NLE1: variants seen among roughly 807,000 people sequenced by gnomAD.
NLE1 encodes the protein notchless protein homolog 1.
Under a neutral mutation model 62.8 loss-of-function variants are expected in NLE1, and 37 were observed. The observed-to-expected ratio is 0.59, with a 90% CI of 0.45 to 0.78. The LOEUF is 0.78. NLE1 is among the 30% of genes least tolerant of loss of function. The probability of loss-of-function intolerance (pLI) is 0.00; values close to 1 mark genes in which losing one functional copy is unlikely to be tolerated. For synonymous variants in NLE1, 243 were observed against 253.0 expected (o/e 0.96, Z 0.37); for missense variants, 555 against 637.9 (o/e 0.87, Z 1.40).
At position 35,142,119 on chromosome 17, in the gene NLE1, C is replaced by T. The variant is rs560050145; in HGVS notation, c.22G>A (p.Glu8Lys). MAAAVPD[E>K]AVARDVQRLL... ...CGCTGCACATCGCGCGCCACCGCCT[C>T]GTCCTGCGCGAGCAAGTGGGGCGGG... The change falls in exon 2 of 13, where the codon GAG becomes AAG. Residue 8 changes from glutamate (E) to lysine (K), a missense_variant. Transcript: ENST00000442241. 2 of 1,610,974 alleles carry T rather than the reference C, an allele frequency of 1.2e-6. No homozygotes were observed. Among genetic ancestry groups the T allele is most frequent in the South Asian group, 1.1e-5 (1 of 91,028 alleles).
In NLE1 at chr17:35,129,770, T is replaced by C. The variant is rs1327960244; in HGVS notation, c.*2667A>G. 2 of 1,474,438 alleles carry C rather than the reference T, an allele frequency of 1.4e-6. No individual in the cohort carries two copies. Among genetic ancestry groups the C allele is most frequent in the African/African-American group, 1.4e-5 (1 of 70,534 alleles). The allele number at this position is 1,474,438 out of a possible 1,614,324, so 91.3% of individuals were successfully genotyped here. On this transcript the variant is annotated 3_prime_UTR_variant, in exon 13 of 13. Transcript: ENST00000442241. ...TGCCCACATGACTCATCTGGCTAGC[T>C]TTCCTTCTGCCTGGGTCAAGAAGCA...
In NLE1 at chr17:35,133,419, CGCTGACCAGGAGCCGACTGTCA is replaced by C. The variant is rs764070000; in HGVS notation, c.1272_1293del (p.Asp425AlafsTer7). ...ACCTTCAGTGTGCTGTCACTGCTGC[CGCTGACCAGGAGCCGACTGTCA>C]GCTGACCACGCAATCTGGTACACGG... On this transcript the variant is annotated frameshift_variant, in exon 11 of 13. Transcript: ENST00000442241. LOFTEE classifies it high-confidence loss of function. The C allele has an allele frequency of 3.7e-6, 6 of 1,614,024 alleles. No individual in the cohort carries two copies. The highest frequency in any genetic ancestry group is 5.1e-6 in the Non-Finnish European group (6 of 1,180,050).
At chr17:35,136,008 C>T (rs2091906147) in intron 9 of NLE1, among the ~76,000 whole-genome samples, 161 bp downstream of exon 9, 1 of 152,166 alleles carries the variant, frequency 6.6e-6, no homozygotes, top group Non-Finnish European at 1.5e-5. Context: ...ATCTCTAGCA[C>T]ATTAGTATTT....
In NLE1 at chr17:35,132,322, G is replaced by C. The variant is rs2091880702; in HGVS notation, c.*115C>G. 2 of 869,804 alleles carry C rather than the reference G, an allele frequency of 2.3e-6. No homozygotes were observed. Among genetic ancestry groups the C allele is most frequent in the Non-Finnish European group, 3.3e-6 (2 of 615,252 alleles). The allele number at this position is 869,804 out of a possible 1,614,324, so 53.9% of individuals were successfully genotyped here. A position where few individuals can be genotyped will look rare whatever the true frequency, so the allele number is the denominator to read the frequency against. The stretch of plus-strand genomic sequence containing the variant: ...GACAGCAGGCCACACGCATTCTCAG[G>C]TCCCCACTGGTGGGGAGGGTGTGTG... On this transcript the variant is annotated 3_prime_UTR_variant, in exon 13 of 13. Coordinates refer to ENST00000442241, the MANE Select transcript of NLE1 (RefSeq NM_018096.5).
Position 35,132,259 on chromosome 17 carries a change from C to T in NLE1, c.*178G>A, listed in dbSNP as rs566535663. On this transcript the variant is annotated 3_prime_UTR_variant, in exon 13 of 13. Coordinates refer to ENST00000442241, the MANE Select transcript of NLE1 (RefSeq NM_018096.5). Reference sequence around the variant, plus strand: ...TTCTGGCTCTGGGGTGTGCCACAGGCGGGGATCTGTGGGAAAACCCCATTC... The same window carrying T: ...TTCTGGCTCTGGGGTGTGCCACAGGTGGGGATCTGTGGGAAAACCCCATTC... The T allele has an allele frequency of 6.4e-4, 281 of 438,344 alleles. No individual in the cohort carries two copies. The highest frequency in any genetic ancestry group is 1.0e-3 in the Non-Finnish European group (259 of 255,766). The allele number at this position is 438,344 out of a possible 1,614,324, so 27.2% of individuals were successfully genotyped here.
chr17:35,142,236 GC>G (rs1261772373), intron 1 of NLE1, 21 bp downstream of exon 1: 1 of 1,550,396 alleles, frequency 6.4e-7, no homozygotes, highest in Non-Finnish European at 8.7e-7. Context: ...GACGCCCCCC[GC>G]CCCCATCCAC....
At position 35,132,026 on chromosome 17, in the gene NLE1, A is replaced by T. The variant is rs1475973703; in HGVS notation, c.*411T>A. On this transcript the variant is annotated 3_prime_UTR_variant, in exon 13 of 13. Coordinates refer to ENST00000442241, the MANE Select transcript of NLE1 (RefSeq NM_018096.5). ...ATTTAGCACAGTCCTTGATTGAGTC[A>T]TGGGGATTCTAGGACAAGGAATTAG... 3 of 157,122 alleles carry T rather than the reference A, an allele frequency of 1.9e-5. No homozygotes were observed. The highest frequency in any genetic ancestry group is 7.2e-5 in the African/African-American group (3 of 41,638). The allele number at this position is 157,122 out of a possible 1,614,324, so 9.7% of individuals were successfully genotyped here. A position where few individuals can be genotyped will look rare whatever the true frequency, so the allele number is the denominator to read the frequency against.
In NLE1 at chr17:35,139,215, A is replaced by T. The variant is rs775519031; in HGVS notation, c.460+20T>A. Reference sequence around the variant, plus strand: ...CTCAAAAAAAAAGAAGACCCCCTAAATGGCTAATTGCATACTGACCCTTGC... The same window carrying T: ...CTCAAAAAAAAAGAAGACCCCCTAATTGGCTAATTGCATACTGACCCTTGC... On this transcript the variant is annotated intron_variant, in intron 4 of 12. Transcript: ENST00000442241. 1.2e-6 allele frequency: 2 copies of T among 1,609,828 alleles called. No individual in the cohort carries two copies. Among genetic ancestry groups the T allele is most frequent in the Non-Finnish European group, 1.7e-6 (2 of 1,176,832 alleles).
intron 6 of NLE1, among the ~76,000 whole-genome samples, 158 bp from the exon 7 acceptor site, chr17:35,137,351 CCT>C (rs1164371066): frequency 6.6e-6 from 1 of 152,148 alleles, no homozygotes. Flanking sequence ...ACCAGCAGAC[CCT>C]GTGATGAGAG....
intron 12 of NLE1, 95 bp from the exon 13 acceptor site, chr17:35,132,544 T>C: frequency 2.7e-6 from 3 of 1,122,870 alleles, no homozygotes; most frequent in Non-Finnish European, 3.5e-6. Flanking sequence ...CGGCCTGTGG[T>C]CCACCCTCAG....
Position 35,139,803 on chromosome 17 carries a change from ACTGCACCC to A in NLE1, c.380+38_380+45del, listed in dbSNP as rs1452953932. 3 of 1,594,638 alleles carry A rather than the reference ACTGCACCC, an allele frequency of 1.9e-6. No individual in the cohort carries two copies. In the African/African-American group the frequency reaches 4.0e-5, roughly 21 times the overall value. ...GAGACCCTCCCCAAACCAGGCAAAG[ACTGCACCC>A]CCACATACCCCCTCCATGAGTCTGC... On this transcript the variant is annotated intron_variant, in intron 3 of 12. Coordinates refer to ENST00000442241, the MANE Select transcript of NLE1 (RefSeq NM_018096.5).
At position 35,133,056 on chromosome 17, in the gene NLE1, A is replaced by G. The variant is rs376084717; in HGVS notation, c.1445+115T>C. The G allele has an allele frequency of 2.2e-5, 23 of 1,036,762 alleles. 1 individual carries two copies. The highest frequency in any genetic ancestry group is 1.7e-4 in the African/African-American group (11 of 64,174). The allele number at this position is 1,036,762 out of a possible 1,614,324, so 64.2% of individuals were successfully genotyped here. On this transcript the variant is annotated intron_variant, in intron 12 of 12. Transcript: ENST00000442241. ...CTGGCTCCACACGCCTCCTCAAGAC[A>G]GTCTGAGCACCTGGACGGCCCTGCG... is the stretch of plus-strand genomic sequence containing the variant.
In NLE1 at chr17:35,129,391, G is replaced by A. The variant is rs2091862496; in HGVS notation, c.*3046C>T. The A allele has an allele frequency of 6.2e-7, 1 of 1,607,146 alleles. No individual in the cohort carries two copies. Among genetic ancestry groups the A allele is most frequent in the Non-Finnish European group, 8.5e-7 (1 of 1,175,624 alleles). On this transcript the variant is annotated 3_prime_UTR_variant, in exon 13 of 13. Coordinates refer to ENST00000442241, the MANE Select transcript of NLE1 (RefSeq NM_018096.5). ...GGGACAGGAAGGACAGGACATATCT[G>A]AGGAAGCCTCGGGGCTCTCTCTTCC... is the stretch of plus-strand genomic sequence containing the variant.
At position 35,130,142 on chromosome 17, in the gene NLE1, T is replaced by G; in HGVS notation, c.*2295A>C. ...TGAGTCATGCATCTTTGCACCTGTT[T>G]CCTGCGTCAATGGCTAGGTTGGATA... On this transcript the variant is annotated 3_prime_UTR_variant, in exon 13 of 13. Transcript: ENST00000442241. 1 of 1,450,460 alleles carries G rather than the reference T, an allele frequency of 6.9e-7. No homozygotes were observed. Among genetic ancestry groups the G allele is most frequent in the Non-Finnish European group, 9.0e-7 (1 of 1,105,974 alleles). 89.8% of individuals were successfully genotyped at this position (1,450,460 alleles called of 1,614,324 possible).
Position 35,133,473 on chromosome 17 carries a change from C to A in NLE1, c.1240G>T (p.Val414Leu), listed in dbSNP as rs748945159. 1.2e-6 allele frequency: 2 copies of A among 1,613,138 alleles called. No homozygotes were observed. Among genetic ancestry groups the A allele is most frequent in the African/African-American group, 2.7e-5 (2 of 74,906 alleles). Residue 414 changes from valine (V) to leucine (L), a missense_variant, in exon 11 of 13, where the codon GTG (valine) becomes TTG (leucine). Transcript: ENST00000442241. ...CACGCAATCTGGTACACGGCAGCCA[C>A]GTGGCCGCGTAGGGAAGCCAGGTAC... The part of the protein sequence containing the change: ...GKYLASLRGH[V>L]AAVYQIAWSA...
intron 10 of NLE1, among the ~76,000 whole-genome samples, chr17:35,134,605 G>T (rs1230563201): frequency 1.3e-5 from 2 of 152,024 alleles, no homozygotes; most frequent in Admixed American, 6.5e-5. Flanking sequence ...TTGCCATGTT[G>T]GCCAGGCTAG....
intron 7 of NLE1, 49 bp downstream of exon 7, chr17:35,136,952 T>C (rs1358749799): frequency 1.3e-6 from 2 of 1,510,284 alleles, no homozygotes; most frequent in Non-Finnish European, 9.0e-7. Context: ...GCCAGCATCT[T>C]GTGACTTGCG....
At chr17:35,132,515 C>G in intron 12 of NLE1, 66 bp from the exon 13 acceptor site, 1 of 1,276,308 alleles carries the variant, frequency 7.8e-7, no homozygotes, top group East Asian at 2.9e-5. Flanking sequence ...GTCATATAAT[C>G]CCAGTGTCAA....
At position 35,129,498 on chromosome 17, in the gene NLE1, A is replaced by G. The variant is rs748247539; in HGVS notation, c.*2939T>C. 1.4e-5 allele frequency: 22 copies of G among 1,614,112 alleles called. No homozygotes were observed. Among genetic ancestry groups the G allele is most frequent in the Non-Finnish European group, 1.8e-5 (21 of 1,180,046 alleles). On this transcript the variant is annotated 3_prime_UTR_variant, in exon 13 of 13. Coordinates refer to ENST00000442241, the MANE Select transcript of NLE1 (RefSeq NM_018096.5). ...CTGTTACAGGAGGTGGCCAAGACAC[A>G]GGAGAATGAGTTGCCCGAGGCAAAG...
Sources: allele counts gnomAD v4.1 joint callset (sites outside exome capture counted in the v4.1 genomes callset), GRCh38; gene constraint gnomAD v4.1.1; transcripts MANE v1.5; gene names NCBI Gene and HGNC (gene_info 2026-07-23, HGNC 2026-07-21).